Variants in HEATR4 observed in about 807,000 individuals in gnomAD.
The protein encoded by HEATR4 is HEAT repeat containing 4.
HEATR4 carries 95 observed loss-of-function variants against 108.8 expected under a neutral mutation model. The ratio of observed to expected loss-of-function variants is 0.87; its 90% confidence interval spans 0.74 to 1.04. HEATR4 has a LOEUF of 1.04. Among genes scored for constraint, HEATR4 ranks in the 50% least tolerant of loss-of-function variants. HEATR4 has a pLI of 0.00. For missense variants in HEATR4, 1,152 were observed against 1,253.8 expected (o/e 0.92, Z 1.23); for synonymous variants, 443 against 459.4 (o/e 0.96, Z 0.46).
At position 73,522,742 on chromosome 14, in the gene HEATR4, C is replaced by T; in HGVS notation, c.411G>A (p.Lys137=). 1.2e-6 allele frequency: 2 copies of T among 1,614,190 alleles called. No individual in the cohort carries two copies. The highest frequency in any genetic ancestry group is 1.7e-6 in the Non-Finnish European group (2 of 1,180,032). The change falls in exon 3 of 18, where the codon AAG becomes AAA. Residue 137 remains lysine (K), a synonymous_variant. Transcript: ENST00000553558. ...TTTCGGGATTGGCAGAGCTTTCTGT[C>T]TTCACAGCCAGGGAGGTGTCTCCTG... ...PLTGDTSLAV[K]TESSANPEKK...
intron 10 of HEATR4, among the ~76,000 whole-genome samples, chr14:73,505,110 T>C (rs1377650078): frequency 1.3e-5 from 2 of 151,682 alleles, no homozygotes; most frequent in East Asian, 3.9e-4. Flanking sequence ...AGAGATGGGG[T>C]TTTGCCATGA....
At chr14:73,583,598 G>C in the HEATR4 span, among the ~76,000 whole-genome samples, 1 of 152,008 alleles carries the variant, frequency 6.6e-6, no homozygotes, top group African/African-American at 2.4e-5. Flanking sequence ...GTTGGTGCCA[G>C]AGCGCCAGAG....
At position 73,522,750 on chromosome 14, in the gene HEATR4, C is replaced by A; in HGVS notation, c.403G>T (p.Ala135Ser). ...SSPLTGDTSL[A>S]VKTESSANPE... ...TTGGCAGAGCTTTCTGTCTTCACAG[C>A]CAGGGAGGTGTCTCCTGTTAAGGGA... is the stretch of plus-strand genomic sequence containing the variant. The change falls in exon 3 of 18, where the codon GCT becomes TCT. Residue 135 changes from alanine to serine, a missense_variant. Ala to Ser is a moderately conservative substitution (Grantham distance 99). Transcript: ENST00000553558. The A allele has an allele frequency of 6.2e-7, 1 of 1,614,198 alleles. No homozygotes were observed. Among genetic ancestry groups the A allele is most frequent in the Non-Finnish European group, 8.5e-7 (1 of 1,180,032 alleles).
chr14:73,595,391 G>A, the HEATR4 span: 1 of 1,614,224 alleles, frequency 6.2e-7, no homozygotes, highest in Non-Finnish European at 8.5e-7. Context: ...TGAGTTGTAT[G>A]CCCAAACAGT....
rs1196268868 is a variant in HEATR4, at chr14:73,535,112, A to G, written c.-151-4868T>C. Among the ~76,000 whole-genome samples, 7 of 115,474 alleles carry G rather than the reference A, an allele frequency of 6.1e-5. 1 individual carries two copies. In the South Asian group the frequency reaches 1.9e-3, roughly 32 times the overall value. 75.8% of individuals were successfully genotyped at this position (115,474 alleles called of 152,430 possible). A position where few individuals can be genotyped will look rare whatever the true frequency, so the allele number is the denominator to read the frequency against. Reference sequence around the variant, plus strand: ...AAACTGCTTTCATTTATGACATCACAATTAAACTGGTAAAACCAAATTTAT... The same window carrying G: ...AAACTGCTTTCATTTATGACATCACGATTAAACTGGTAAAACCAAATTTAT... On this transcript the variant is annotated intron_variant, in intron 1 of 17. Coordinates refer to ENST00000553558, the MANE Select transcript of HEATR4 (RefSeq NM_001220484.1).
At chr14:73,524,269 G>A (rs1328798449) in intron 2 of HEATR4, among the ~76,000 whole-genome samples, 1 of 119,754 alleles carries the variant, frequency 8.4e-6, no homozygotes, top group African/African-American at 3.3e-5. Flanking sequence ...CACCAGCCTG[G>A]GCAACAAGAG....
chr14:73,589,936 G>A, the HEATR4 span, among the ~76,000 whole-genome samples: 2 of 152,124 alleles, frequency 1.3e-5, no homozygotes, highest in Non-Finnish European at 2.9e-5. Context: ...GGAGTTGTTC[G>A]TTCCTCCTGG....
chr14:73,590,444 G>A, the HEATR4 span, among the ~76,000 whole-genome samples: 2 of 152,270 alleles, frequency 1.3e-5, no homozygotes, highest in Non-Finnish European at 1.5e-5. Context: ...GGGTTCGCAG[G>A]TGGAGCTGCC....
At chr14:73,490,852 T>A in intron 17 of HEATR4, 1 of 665,142 alleles carries the variant, frequency 1.5e-6, no homozygotes. Flanking sequence ...AAACATTTAA[T>A]GAAAGAGAGC....
intron 14 of HEATR4, among the ~76,000 whole-genome samples, 156 bp from the exon 15 acceptor site, chr14:73,496,835 T>C (rs1369416207): frequency 2.0e-5 from 3 of 152,212 alleles, no homozygotes; most frequent in African/African-American, 7.2e-5. Flanking sequence ...GGTATAATGC[T>C]TAGCTTACAG....
Position 73,492,411 on chromosome 14 carries a change from A to C in HEATR4, c.2844+655T>G. On this transcript the variant is annotated intron_variant, in intron 17 of 17. Transcript: ENST00000553558. The surrounding 1 kb of genome is among the most constrained non-coding windows in gnomAD (Gnocchi z 4.9). Reference sequence around the variant, plus strand: ...GACTTCATGGATTACATGGGGGCCCAGCATTCAGATTCTAAGGATCCGCGA... The same window carrying C: ...GACTTCATGGATTACATGGGGGCCCCGCATTCAGATTCTAAGGATCCGCGA... 6.2e-7 allele frequency: 1 copy of C among 1,613,804 alleles called. No homozygotes were observed. The highest frequency in any genetic ancestry group is 8.5e-7 in the Non-Finnish European group (1 of 1,179,768).
chr14:73,562,233 C>T (rs371448460), upstream of HEATR4, among the ~76,000 whole-genome samples: 68 of 152,022 alleles, frequency 4.5e-4, no homozygotes, highest in Middle Eastern at 3.4e-3. Context: ...GCTGGAGCCG[C>T]GGCAGAGGAA....
the HEATR4 span, among the ~76,000 whole-genome samples, chr14:73,566,094 T>C: frequency 3.1e-4 from 47 of 152,040 alleles, 1 homozygote; most frequent in Non-Finnish European, 5.7e-4. Context: ...CCAGAGTAGC[T>C]AGATACAGAG....
rs201417375 is a variant in HEATR4, at chr14:73,541,669, G to A, written c.-151-11425C>T. 327 of 1,242,838 alleles carry A rather than the reference G, an allele frequency of 2.6e-4. 95 individuals are homozygous for A. The South Asian group carries it at 2.8e-3, about 10-fold the overall frequency. The allele number at this position is 1,242,838 out of a possible 1,614,324, so 77.0% of individuals were successfully genotyped here. On this transcript the variant is annotated intron_variant, in intron 1 of 17. Transcript: ENST00000553558. ...CCATCTGGAGTACTTTGAAGAAGCT[G>A]TGAACTACTTGCTCAGTCATCCTGA...
the HEATR4 span, chr14:73,619,859 A>G: frequency 6.5e-7 from 1 of 1,540,364 alleles, no homozygotes; most frequent in Non-Finnish European, 8.7e-7. Flanking sequence ...CACAGACCAG[A>G]TACCATTAAT....
the HEATR4 span, chr14:73,593,724 C>T: frequency 4.3e-6 from 7 of 1,612,510 alleles, no homozygotes; most frequent in South Asian, 6.6e-5. Flanking sequence ...TCCCAGGGAT[C>T]ATTGACATCT....
upstream of HEATR4, among the ~76,000 whole-genome samples, chr14:73,560,683 T>A (rs1711576949): frequency 1.3e-5 from 2 of 150,238 alleles, no homozygotes; most frequent in Middle Eastern, 3.4e-3. Flanking sequence ...AAAAGAAAAT[T>A]AAATACTAAA....
rs1334234796 is a variant in HEATR4, at chr14:73,491,298, G to T, written c.2844+1768C>A. The T allele has an allele frequency of 3.2e-6, 5 of 1,541,442 alleles. 1 individual carries two copies. Among genetic ancestry groups the T allele is most frequent in the East Asian group, 5.0e-5 (2 of 40,068 alleles). On this transcript the variant is annotated intron_variant, in intron 17 of 17. Transcript: ENST00000553558. ...GCGGCCGTCCCGGACGCAGCCCGGC[G>T]AGAGCCATACGGCCACCTGGGGCCC...
In HEATR4 at chr14:73,534,030, C is replaced by T. The variant is rs1363034294; in HGVS notation, c.-151-3786G>A. On this transcript the variant is annotated intron_variant, in intron 1 of 17. Transcript: ENST00000553558. ...CCAGGAGTTCAAGGCTGCAATGAACCATCATGGTGCCATTGCACTCCAGCC... is the reference window on the plus strand; with the variant it reads ...CCAGGAGTTCAAGGCTGCAATGAACTATCATGGTGCCATTGCACTCCAGCC... 2.7e-5 allele frequency among the ~76,000 whole-genome samples: 3 copies of T among 109,914 alleles called. 1 individual carries two copies. The highest frequency in any genetic ancestry group is 7.7e-4 in the East Asian group (1 of 1,306). The allele number at this position is 109,914 out of a possible 152,430, so 72.1% of individuals were successfully genotyped here.
Sources: gnomAD v4.1 joint callset for allele counts (sites outside exome capture counted in the v4.1 genomes callset) on GRCh38, gnomAD v4.1.1 for gene constraint, Gnocchi (gnomAD v3.1) non-coding constraint, MANE v1.5 for transcripts, NCBI Gene and HGNC (gene_info 2026-07-23, HGNC 2026-07-21) for gene names.